The following ARID5B variants were observed in gnomAD, a reference collection of about 807,000 sequenced individuals.
ARID5B encodes AT-rich interactive domain-containing protein 5B.
In ARID5B, 13 loss-of-function variants were observed where a neutral mutation model predicts 97.2. The observed-to-expected ratio is 0.13, with a 90% CI of 0.09 to 0.21. The LOEUF is 0.21. Among genes scored for constraint, ARID5B ranks in the 10% least tolerant of loss-of-function variants. ARID5B has a pLI of 1.00. For missense variants in ARID5B, 1,210 were observed against 1,465.3 expected, an observed-to-expected ratio of 0.83 and a Z score of 2.84; for synonymous variants, 556 against 570.3, an observed-to-expected ratio of 0.97 and a Z score of 0.36.
At chr10:61,996,102 G>T (rs1838991684) in intron 3 of ARID5B, among the ~76,000 whole-genome samples, 1 of 152,098 alleles carries the variant, frequency 6.6e-6, no homozygotes, top group Non-Finnish European at 1.5e-5. Context: ...ATAGAGTTGG[G>T]ACTATTTCCT....
intron 8 of ARID5B, among the ~76,000 whole-genome samples, chr10:62,070,545 AC>A (rs1465762637): frequency 1.3e-5 from 2 of 152,210 alleles, no homozygotes; most frequent in African/African-American, 2.4e-5. Flanking sequence ...TGGGTCTTAT[AC>A]GTACATCCTC....
In ARID5B at chr10:61,902,185, C is replaced by A; in HGVS notation, c.48C>A (p.His16Gln). 6.2e-7 allele frequency: 1 copy of A among 1,613,042 alleles called. No homozygotes were observed. Among genetic ancestry groups the A allele is most frequent in the Non-Finnish European group, 8.5e-7 (1 of 1,180,006 alleles). Residue 16 changes from histidine to glutamine, a missense_variant, in exon 2 of 10, where the codon CAC becomes CAA. This residue lies in a region of ARID5B where 80 missense variants were observed against 133.2 expected (regional missense o/e 0.60). Coordinates refer to ENST00000279873, the MANE Select transcript of ARID5B (RefSeq NM_032199.3). ...GGGTCGGCTCACCGTGTGGCTTGCACGGACCTTACATTTTCTACAAGGCTT... is the reference window on the plus strand; with the variant it reads ...GGGTCGGCTCACCGTGTGGCTTGCAAGGACCTTACATTTTCTACAAGGCTT... ...LQWVGSPCGL[H>Q]GPYIFYKAFQ...
chr10:62,034,179 G>T (rs1564632725), intron 4 of ARID5B, among the ~76,000 whole-genome samples: 1 of 152,146 alleles, frequency 6.6e-6, no homozygotes, highest in Non-Finnish European at 1.5e-5. Flanking sequence ...CATAAAACTG[G>T]TATAGCAGTT....
intron 4 of ARID5B, chr10:62,025,422 T>G (rs560917765): frequency 6.6e-6 from 1 of 152,276 alleles, no homozygotes; most frequent in South Asian, 2.1e-4. Context: ...GACGGGGAGA[T>G]GTGGGGTCAT....
At chr10:61,994,824 G>A (rs986761113) in intron 3 of ARID5B, among the ~76,000 whole-genome samples, 3 of 152,184 alleles carry the variant, frequency 2.0e-5, no homozygotes, top group African/African-American at 7.2e-5. Flanking sequence ...ATTACAAGCA[G>A]TGTACTTTAG....
At chr10:61,939,366 G>C (rs1435059771) in intron 2 of ARID5B, among the ~76,000 whole-genome samples, 1 of 152,134 alleles carries the variant, frequency 6.6e-6, no homozygotes, top group Non-Finnish European at 1.5e-5. Flanking sequence ...TAAAGATCTT[G>C]CTGAATTAAT....
intron 2 of ARID5B, among the ~76,000 whole-genome samples, chr10:61,924,363 A>G (rs1158865036): frequency 6.6e-6 from 1 of 152,186 alleles, no homozygotes; most frequent in African/African-American, 2.4e-5. Flanking sequence ...AAAAACACTC[A>G]ATATTTTTCC....
intron 2 of ARID5B, among the ~76,000 whole-genome samples, chr10:61,918,424 G>A (rs1260673813): frequency 1.3e-5 from 2 of 152,144 alleles, no homozygotes; most frequent in Non-Finnish European, 2.9e-5. Context: ...CTTATCCTAG[G>A]TCTGCAGCAG....
chr10:61,925,185 A>AT (rs1844082015), intron 2 of ARID5B, among the ~76,000 whole-genome samples: 3 of 152,296 alleles, frequency 2.0e-5, no homozygotes, highest in East Asian at 3.9e-4. Context: ...AGCCTGGGCG[A>AT]CAGAGACTCT....
At position 62,006,823 on chromosome 10, in the gene ARID5B, T is replaced by G. The variant is rs548833441; in HGVS notation, c.733+6502T>G. The stretch of plus-strand genomic sequence containing the variant: ...GATTCGAGGATTTCTTTTCTGTTTT[T>G]GGAACTTGAAAGGAGATTTAAAAAT... On this transcript the variant is annotated intron_variant, in intron 4 of 9. Coordinates refer to ENST00000279873, the MANE Select transcript of ARID5B (RefSeq NM_032199.3). Among the ~76,000 whole-genome samples, 29 of 152,314 alleles carry G rather than the reference T, an allele frequency of 1.9e-4. No individual in the cohort carries two copies. The South Asian group carries it at 5.8e-3, about 30-fold the overall frequency.
At chr10:62,051,145 G>C (rs1032558328) in intron 5 of ARID5B, 145 bp downstream of exon 5, 15 of 758,762 alleles carry the variant, frequency 2.0e-5, no homozygotes, top group Non-Finnish European at 3.2e-5. Flanking sequence ...GCTCTATGCT[G>C]TGCCTGTTCC....
intron 3 of ARID5B, among the ~76,000 whole-genome samples, chr10:61,990,259 T>G (rs1302128369): frequency 6.6e-6 from 1 of 152,234 alleles, no homozygotes; most frequent in South Asian, 2.1e-4. Context: ...CAGAAGTCAG[T>G]GCAGTTGCAG....
intron 2 of ARID5B, among the ~76,000 whole-genome samples, chr10:61,922,722 T>G (rs1167299588): frequency 6.6e-6 from 1 of 152,218 alleles, no homozygotes; most frequent in African/African-American, 2.4e-5. Context: ...TTGTCCCAGG[T>G]GTGTTTCTCA....
At chr10:61,968,020 A>C (rs970917919) in intron 3 of ARID5B, among the ~76,000 whole-genome samples, 1 of 151,438 alleles carries the variant, frequency 6.6e-6, no homozygotes, top group African/African-American at 2.4e-5. Context: ...TTTTTAGAAA[A>C]ATTATTGAAA....
intron 2 of ARID5B, among the ~76,000 whole-genome samples, chr10:61,919,337 T>C (rs1345214417): frequency 6.6e-6 from 1 of 152,200 alleles, no homozygotes; most frequent in Admixed American, 6.5e-5. Context: ...CTTGAAAATT[T>C]GCTTCATCCC....
intron 3 of ARID5B, among the ~76,000 whole-genome samples, chr10:61,986,255 A>G (rs578108501): frequency 6.6e-6 from 1 of 152,318 alleles, no homozygotes; most frequent in East Asian, 1.9e-4. Flanking sequence ...GTCCTCCTGT[A>G]TAAAATGGGA....
chr10:62,066,279 T>C (rs1206934897), intron 7 of ARID5B, among the ~76,000 whole-genome samples: 1 of 152,214 alleles, frequency 6.6e-6, no homozygotes, highest in Non-Finnish European at 1.5e-5. Flanking sequence ...CATTTCTTCC[T>C]CTAGAGTCCA....
In ARID5B at chr10:61,957,654, T is replaced by C. The variant is rs770160850; in HGVS notation, c.502+17246T>C. Among the ~76,000 whole-genome samples the C allele has an allele frequency of 8.5e-5, 13 of 152,344 alleles. 1 individual carries two copies. The highest frequency in any genetic ancestry group is 2.0e-4 in the Admixed American group (3 of 15,296). ...AATACACTGGATTTAAAAAACTTAG[T>C]ATGAAAAAGAATATATATCTCTCTA... On this transcript the variant is annotated intron_variant, in intron 3 of 9. Coordinates refer to ENST00000279873, the MANE Select transcript of ARID5B (RefSeq NM_032199.3).
At chr10:62,076,025 A>G (rs960397106) in intron 8 of ARID5B, among the ~76,000 whole-genome samples, 2 of 152,210 alleles carry the variant, frequency 1.3e-5, no homozygotes, top group South Asian at 4.1e-4. Context: ...TGGCTGGCAA[A>G]CAATGAGGAG....
Sources: gnomAD v4.1 joint callset for allele counts (sites outside exome capture counted in the v4.1 genomes callset) on GRCh38, gnomAD v4.1.1 for gene constraint, gnomAD v4.1.1 regional missense constraint, MANE v1.5 for transcripts, NCBI Gene and HGNC (gene_info 2026-07-23, HGNC 2026-07-21) for gene names.